Variants in MARCHF7 observed in about 807,000 individuals in gnomAD.
MARCHF7 encodes E3 ubiquitin-protein ligase MARCHF7.
Under a neutral mutation model 76.5 loss-of-function variants are expected in MARCHF7, and 20 were observed. The observed-to-expected ratio is 0.26, with a 90% CI of 0.18 to 0.38. MARCHF7 has a LOEUF of 0.38. Among genes scored for constraint, MARCHF7 ranks in the 10% least tolerant of loss-of-function variants. The pLI, the probability that MARCHF7 is intolerant of heterozygous loss-of-function variation, is 1.00. For missense variants in MARCHF7, 797 were observed against 812.9 expected (o/e 0.98, Z 0.24); for synonymous variants, 295 against 293.0 (o/e 1.01, Z -0.07).
At chr2:159,760,762 C>A (rs1020633351) in intron 9 of MARCHF7, among the ~76,000 whole-genome samples, 16 of 150,876 alleles carry the variant, frequency 1.1e-4, no homozygotes, top group Middle Eastern at 6.8e-3. Context: ...CTCTGTCATG[C>A]CTTTTCCTTT....
At position 159,770,716 on chromosome 2, in the gene MARCHF7, G is replaced by T. The variant is rs1201297170; in HGVS notation, c.*3374G>T. 6.6e-6 allele frequency: 1 copy of T among 152,214 alleles called. No individual in the cohort carries two copies. The highest frequency in any genetic ancestry group is 2.1e-4 in the South Asian group (1 of 4,816). The allele number at this position is 152,214 out of a possible 1,614,324, so 9.4% of individuals were successfully genotyped here. ...CACAAATATTGTGTTACAATTGTCT[G>T]CAGTATTCAGCACAGTAACATGCTG... On this transcript the variant is annotated 3_prime_UTR_variant, in exon 12 of 12. Transcript: ENST00000409175.
chr2:159,726,219 GTTTT>G (rs1702146432), intron 3 of MARCHF7, among the ~76,000 whole-genome samples: 1 of 73,710 alleles, frequency 1.4e-5, no homozygotes, highest in Non-Finnish European at 2.6e-5. Flanking sequence ...CCAGATACAG[GTTTT>G]GTTTTGTTTT....
At chr2:159,767,147 C>T (rs1707895124) in intron 11 of MARCHF7, 137 bp from the exon 12 acceptor site, 2 of 648,184 alleles carry the variant, frequency 3.1e-6, no homozygotes, top group East Asian at 2.7e-5. Context: ...TGTCATACAA[C>T]TTATCATTTT....
chr2:159,752,600 A>G (rs370547472), intron 8 of MARCHF7, 29 bp downstream of exon 8: 201 of 1,429,752 alleles, frequency 1.4e-4, no homozygotes, highest in Middle Eastern at 3.7e-4. Flanking sequence ...TGTTTTCACA[A>G]TTTTTCTAAG....
At chr2:159,732,931 T>C (rs1432628765) in intron 4 of MARCHF7, 2 of 984,854 alleles carry the variant, frequency 2.0e-6, no homozygotes, top group African/African-American at 3.5e-5. Flanking sequence ...ATGAACAAGA[T>C]TGTTCATCTT....
At chr2:159,757,005 G>A (rs1706410785) in intron 8 of MARCHF7, among the ~76,000 whole-genome samples, 1 of 152,096 alleles carries the variant, frequency 6.6e-6, no homozygotes, top group Non-Finnish European at 1.5e-5. Flanking sequence ...TGATTCTCCT[G>A]CCTCAGCCTC....
intron 3 of MARCHF7, among the ~76,000 whole-genome samples, chr2:159,725,465 G>A (rs1425978318): frequency 6.6e-6 from 1 of 152,088 alleles, no homozygotes; most frequent in Non-Finnish European, 1.5e-5. Flanking sequence ...GTGTCTGTTG[G>A]CTGCATAAAT....
intron 8 of MARCHF7, among the ~76,000 whole-genome samples, chr2:159,758,466 G>T (rs963266997): frequency 1.3e-5 from 2 of 152,098 alleles, no homozygotes; most frequent in African/African-American, 4.8e-5. Context: ...AGACAGAAAC[G>T]CTAACCATTA....
At chr2:159,749,807 C>G (rs1705408075) in intron 7 of MARCHF7, among the ~76,000 whole-genome samples, 1 of 152,056 alleles carries the variant, frequency 6.6e-6, no homozygotes. Context: ...CATATACATG[C>G]AAAGACAAAA....
intron 3 of MARCHF7, among the ~76,000 whole-genome samples, chr2:159,716,050 G>A (rs1188676584): frequency 6.6e-6 from 1 of 152,048 alleles, no homozygotes; most frequent in Non-Finnish European, 1.5e-5. Flanking sequence ...CTCATGGGAT[G>A]TTAAGCTTTT....
chr2:159,765,597 GTTA>G (rs1179092939), intron 11 of MARCHF7, among the ~76,000 whole-genome samples: 5 of 152,106 alleles, frequency 3.3e-5, no homozygotes. Flanking sequence ...TATTTGGAGT[GTTA>G]TCTATAGTGT....
chr2:159,734,136 TA>T, intron 4 of MARCHF7: 6 of 1,179,794 alleles, frequency 5.1e-6, no homozygotes, highest in Non-Finnish European at 5.5e-6. Context: ...TAAATATTGT[TA>T]AAAAGGGGTT....
chr2:159,746,661 A>T (rs1704932284), intron 6 of MARCHF7, among the ~76,000 whole-genome samples: 1 of 152,212 alleles, frequency 6.6e-6, no homozygotes, highest in African/African-American at 2.4e-5. Context: ...TCAGCCTCCC[A>T]AAGTGTTGAG....
At chr2:159,738,757 C>G (rs1703766626) in intron 4 of MARCHF7, among the ~76,000 whole-genome samples, 1 of 152,210 alleles carries the variant, frequency 6.6e-6, no homozygotes, top group South Asian at 2.1e-4. Flanking sequence ...CATAAGTTCT[C>G]ACTCCGGTCC....
chr2:159,745,656 AAATAAT>A (rs760671097), intron 5 of MARCHF7, 108 bp from the exon 6 acceptor site: 38 of 697,878 alleles, frequency 5.4e-5, no homozygotes, highest in South Asian at 4.5e-4. Context: ...ACTCCGTCTC[AAATAAT>A]AATAATAATA....
chr2:159,763,271 T>A (rs1323711797), intron 10 of MARCHF7, among the ~76,000 whole-genome samples: 1 of 152,134 alleles, frequency 6.6e-6, no homozygotes, highest in East Asian at 1.9e-4. Flanking sequence ...ATTGGAAACA[T>A]CGAGGGAAAA....
chr2:159,767,588 C>T lies in MARCHF7; in HGVS notation c.*246C>T, dbSNP rs893593202. On this transcript the variant is annotated 3_prime_UTR_variant, in exon 12 of 12. Transcript: ENST00000409175. ...AAACTGGTAATCAAAAAGGTTTTTT[C>T]TTTTAGGTGAGTGGGAAAGTATTAC... 1 of 331,874 alleles carries T rather than the reference C, an allele frequency of 3.0e-6. No individual in the cohort carries two copies. The highest frequency in any genetic ancestry group is 2.2e-5 in the African/African-American group (1 of 46,170). The allele number at this position is 331,874 out of a possible 1,614,324, so 20.6% of individuals were successfully genotyped here.
chr2:159,765,187 TTGG>T (rs1227000520), intron 11 of MARCHF7, among the ~76,000 whole-genome samples: 2 of 148,454 alleles, frequency 1.3e-5, no homozygotes, highest in Non-Finnish European at 3.0e-5. Context: ...TTTTTTGTTG[TTGG>T]TGGTGGTGGT....
chr2:159,756,973 A>G (rs1435426308), intron 8 of MARCHF7, among the ~76,000 whole-genome samples: 1 of 151,948 alleles, frequency 6.6e-6, no homozygotes, highest in Non-Finnish European at 1.5e-5. Context: ...GCTTACTGCA[A>G]CCTCTGCCTC....
Sources: gnomAD v4.1 joint callset for allele counts (sites outside exome capture counted in the v4.1 genomes callset) on GRCh38, gnomAD v4.1.1 for gene constraint, MANE v1.5 for transcripts, NCBI Gene and HGNC (gene_info 2026-07-23, HGNC 2026-07-21) for gene names.